Variants in GRID2 observed in about 807,000 individuals in gnomAD.
The protein encoded by GRID2 is glutamate ionotropic receptor delta type subunit 2, also known as glutamate receptor ionotropic, delta-2.
Under a neutral mutation model 114.8 loss-of-function variants are expected in GRID2, and 33 were observed. The observed-to-expected ratio is 0.29, with a 90% confidence interval of 0.22 to 0.38. The LOEUF is 0.38. Among genes scored for constraint, GRID2 ranks in the 10% least tolerant of loss-of-function variants. The pLI is 1.00. For missense variants in GRID2, 1,184 were observed against 1,257.7 expected, an observed-to-expected ratio of 0.94 and a Z score of 0.89; for synonymous variants, 505 against 449.9, an observed-to-expected ratio of 1.12 and a Z score of -1.55.
At chr4:93,507,873 G>A (rs1404868868) in intron 12 of GRID2, among the ~76,000 whole-genome samples, 1 of 152,074 alleles carries the variant, frequency 6.6e-6, no homozygotes, top group Non-Finnish European at 1.5e-5. Context: ...TATTATGACA[G>A]GCAATTCACT....
At chr4:93,116,203 A>G (rs1026365578) in intron 4 of GRID2, among the ~76,000 whole-genome samples, 1 of 152,172 alleles carries the variant, frequency 6.6e-6, no homozygotes, top group Non-Finnish European at 1.5e-5. Flanking sequence ...TGTAAAGACA[A>G]TATACTAGTT....
At chr4:92,399,798 T>G (rs1730699765) in intron 1 of GRID2, among the ~76,000 whole-genome samples, 1 of 152,040 alleles carries the variant, frequency 6.6e-6, no homozygotes, top group African/African-American at 2.4e-5. Flanking sequence ...ATTTTAAAGA[T>G]ATATCTCAAC....
At chr4:93,039,468 TA>T (rs922120210) in intron 2 of GRID2, among the ~76,000 whole-genome samples, 158 of 152,050 alleles carry the variant, frequency 1.0e-3, no homozygotes, top group African/African-American at 3.6e-3. Context: ...AAAGTATAAT[TA>T]TATATATAGT....
intron 1 of GRID2, among the ~76,000 whole-genome samples, chr4:92,336,451 G>A (rs1303747438): frequency 6.6e-6 from 1 of 152,038 alleles, no homozygotes; most frequent in Non-Finnish European, 1.5e-5. Context: ...TTAGCCAAAA[G>A]GTTAAGAAGC....
intron 11 of GRID2, among the ~76,000 whole-genome samples, chr4:93,487,014 A>G (rs780145012): frequency 6.6e-6 from 1 of 151,804 alleles, no homozygotes; most frequent in Non-Finnish European, 1.5e-5. Flanking sequence ...TGATAGTTAC[A>G]AAACCATTCA....
chr4:92,799,002 G>A (rs979497903), intron 2 of GRID2, among the ~76,000 whole-genome samples: 2 of 152,002 alleles, frequency 1.3e-5, no homozygotes, highest in East Asian at 1.9e-4. Flanking sequence ...CCAGGGATAC[G>A]ATTGGTGGAA....
At chr4:93,092,079 A>G (rs1468570729) in intron 3 of GRID2, among the ~76,000 whole-genome samples, 1 of 152,128 alleles carries the variant, frequency 6.6e-6, no homozygotes. Flanking sequence ...ATGAGCCAGG[A>G]AAAGGTGAAG....
chr4:93,681,279 G>A (rs1049538945), intron 14 of GRID2, among the ~76,000 whole-genome samples: 5 of 151,288 alleles, frequency 3.3e-5, no homozygotes, highest in Non-Finnish European at 2.9e-5. Flanking sequence ...AAATAAAAGA[G>A]GATACCAAGA....
chr4:92,699,068 T>C (rs887640595), intron 2 of GRID2, among the ~76,000 whole-genome samples: 4 of 152,094 alleles, frequency 2.6e-5, no homozygotes, highest in Non-Finnish European at 5.9e-5. Context: ...CAAAGCACTT[T>C]ATAAATAAGA....
In GRID2 at chr4:93,110,835, A is replaced by G. The variant is rs769615492; in HGVS notation, c.617A>G (p.Lys206Arg). The change falls in exon 4 of 16, where the codon AAA becomes AGA. Residue 206 changes from lysine (K) to arginine (R), a missense_variant. Coordinates refer to ENST00000282020, the MANE Select transcript of GRID2 (RefSeq NM_001510.4). The part of the protein sequence containing the change: ...ALQKVENNIN[K>R]MITTLFDTMR... Reference sequence around the variant, plus strand: ...CAGAAGGTAGAAAACAACATCAATAAAATGATTACCACTCTCTTTGACACC... The same window carrying G: ...CAGAAGGTAGAAAACAACATCAATAGAATGATTACCACTCTCTTTGACACC... 1.2e-6 allele frequency: 2 copies of G among 1,611,406 alleles called. No individual in the cohort carries two copies. The highest frequency in any genetic ancestry group is 1.7e-5 in the Admixed American group (1 of 60,018).
At chr4:93,266,560 T>C (rs551015326) in intron 8 of GRID2, among the ~76,000 whole-genome samples, 1 of 152,036 alleles carries the variant, frequency 6.6e-6, no homozygotes, top group Admixed American at 6.5e-5. Context: ...ACCCCATCAA[T>C]TGGCCCAGTA....
intron 1 of GRID2, among the ~76,000 whole-genome samples, chr4:92,528,800 C>T (rs1422252305): frequency 8.0e-6 from 1 of 125,136 alleles, no homozygotes; most frequent in Non-Finnish European, 1.6e-5. Flanking sequence ...TTTCTTTGTT[C>T]TAAATCCAAG....
At chr4:92,429,025 C>T (rs1026848302) in intron 1 of GRID2, among the ~76,000 whole-genome samples, 1 of 152,060 alleles carries the variant, frequency 6.6e-6, no homozygotes, top group African/African-American at 2.4e-5. Context: ...ACCTCCACCC[C>T]CCGACAGGCC....
intron 1 of GRID2, among the ~76,000 whole-genome samples, chr4:92,446,831 A>T (rs1733496722): frequency 1.3e-5 from 2 of 152,234 alleles, no homozygotes; most frequent in African/African-American, 4.8e-5. Flanking sequence ...TCTGCTCTGC[A>T]TGAATGATTA....
intron 10 of GRID2, among the ~76,000 whole-genome samples, chr4:93,431,110 A>G (rs1580064775): frequency 6.6e-6 from 1 of 152,354 alleles, no homozygotes. Flanking sequence ...GAAGTCTGGA[A>G]TAATTCATCA....
At chr4:92,550,593 G>A (rs939017859) in intron 1 of GRID2, among the ~76,000 whole-genome samples, 1 of 152,084 alleles carries the variant, frequency 6.6e-6, no homozygotes, top group African/African-American at 2.4e-5. Flanking sequence ...GGTTTGGCAG[G>A]CTCTCTGTCT....
intron 2 of GRID2, among the ~76,000 whole-genome samples, chr4:92,962,957 A>T (rs1035833262): frequency 5.3e-5 from 8 of 152,026 alleles, no homozygotes; most frequent in African/African-American, 1.4e-4. Flanking sequence ...GAATACTGCA[A>T]TAAAGCAAGC....
chr4:92,827,401 T>TAAAA, intron 2 of GRID2, among the ~76,000 whole-genome samples: 1 of 147,774 alleles, frequency 6.8e-6, no homozygotes, highest in African/African-American at 2.5e-5. Context: ...ATCCTGAGAT[T>TAAAA]TAAAAAAAAA....
At chr4:92,314,919 A>T (rs1372864660) in intron 1 of GRID2, among the ~76,000 whole-genome samples, 1 of 152,170 alleles carries the variant, frequency 6.6e-6, no homozygotes, top group Non-Finnish European at 1.5e-5. Context: ...TTCATTTGGC[A>T]TATCATATTC....
Sources: gnomAD v4.1 joint callset for allele counts (sites outside exome capture counted in the v4.1 genomes callset) on GRCh38, gnomAD v4.1.1 for gene constraint, MANE v1.5 for transcripts, NCBI Gene and HGNC (gene_info 2026-07-23, HGNC 2026-07-21) for gene names.